TMC1: variants seen among roughly 807,000 people sequenced by gnomAD.
TMC1 encodes the protein transmembrane channel-like protein 1.
Under a neutral mutation model 105.8 loss-of-function variants are expected in TMC1, and 84 were observed. That is an observed-to-expected ratio of 0.79 (90% CI 0.67 to 0.95). TMC1 has a LOEUF of 0.95. TMC1 is among the 40% of genes least tolerant of loss of function. The probability of loss-of-function intolerance (pLI) is 0.00; values close to 1 mark genes in which losing one functional copy is unlikely to be tolerated. For missense variants in TMC1, 817 were observed against 914.1 expected, an observed-to-expected ratio of 0.89 and a Z score of 1.37; for synonymous variants, 315 against 311.5, an observed-to-expected ratio of 1.01 and a Z score of -0.12.
At chr9:72,652,529 G>C (rs1361593277) in intron 5 of TMC1, among the ~76,000 whole-genome samples, 1 of 152,108 alleles carries the variant, frequency 6.6e-6, no homozygotes, top group African/African-American at 2.4e-5. Context: ...AGAAGCTAAG[G>C]GAGTAGACAG....
intron 17 of TMC1, 91 bp downstream of exon 17, chr9:72,792,443 T>C: frequency 6.7e-7 from 1 of 1,502,248 alleles, no homozygotes. Context: ...AAAAAATTGC[T>C]TATTAGTAAA....
intron 2 of TMC1, among the ~76,000 whole-genome samples, chr9:72,608,498 G>A (rs2132117699): frequency 6.6e-6 from 1 of 152,286 alleles, no homozygotes; most frequent in South Asian, 2.1e-4. Context: ...CTTGAGGACA[G>A]GAGTTTGAGA....
At chr9:72,556,311 T>G (rs1367133317) in intron 1 of TMC1, among the ~76,000 whole-genome samples, 1 of 151,264 alleles carries the variant, frequency 6.6e-6, no homozygotes, top group East Asian at 2.0e-4. Context: ...GAGATGGGGT[T>G]TCACCGTGTT....
intron 8 of TMC1, among the ~76,000 whole-genome samples, chr9:72,736,115 C>T (rs544674599): frequency 6.6e-6 from 1 of 152,050 alleles, no homozygotes; most frequent in East Asian, 1.9e-4. Context: ...GTTTAAAAAC[C>T]AGAATCTAAG....
chr9:72,800,805 G>A (rs1190749565), intron 17 of TMC1, among the ~76,000 whole-genome samples: 1 of 152,076 alleles, frequency 6.6e-6, no homozygotes, highest in East Asian at 1.9e-4. Context: ...AGGGAAAAGG[G>A]GTTGTGGTTC....
intron 5 of TMC1, among the ~76,000 whole-genome samples, chr9:72,656,987 G>A (rs1343202189): frequency 6.6e-6 from 1 of 152,174 alleles, no homozygotes; most frequent in African/African-American, 2.4e-5. Flanking sequence ...ATTCTTGTAA[G>A]GTCTGGACAC....
At chr9:72,609,190 TTC>T (rs1824980172) in intron 2 of TMC1, among the ~76,000 whole-genome samples, 1 of 139,834 alleles carries the variant, frequency 7.2e-6, no homozygotes, top group Non-Finnish European at 1.5e-5. Context: ...CCTTCCTTCC[TTC>T]CTTCCTTCCT....
At chr9:72,665,803 T>A (rs1183953458) in intron 5 of TMC1, among the ~76,000 whole-genome samples, 1 of 152,228 alleles carries the variant, frequency 6.6e-6, no homozygotes, top group African/African-American at 2.4e-5. Context: ...GATGTATATT[T>A]AGATGTAGGT....
Position 72,791,930 on chromosome 9 carries a change from G to C in TMC1, c.1269G>C (p.Leu423Phe), listed in dbSNP as rs2118192240. The C allele has an allele frequency of 6.2e-7, 1 of 1,613,716 alleles. No individual in the cohort carries two copies. The highest frequency in any genetic ancestry group is 1.3e-5 in the African/African-American group (1 of 75,042). Residue 423 changes from leucine to phenylalanine, a missense_variant, in exon 16 of 24, where the codon TTG becomes TTC. By Grantham distance (22) the Leu-to-Phe change is conservative (BLOSUM62 0). Transcript: ENST00000297784. ...MSLLGMFCPTLFDLFAELEDY... is the reference protein window; with the variant it reads ...MSLLGMFCPTFFDLFAELEDY... ...TCCTAGGGATGTTCTGTCCAACATT[G>C]TTTGACTTATTTGCTGAATTAGAAG...
intron 12 of TMC1, among the ~76,000 whole-genome samples, chr9:72,756,287 T>A (rs1024776696): frequency 1.3e-5 from 2 of 152,094 alleles, no homozygotes; most frequent in East Asian, 3.8e-4. Flanking sequence ...AAGCAACCAG[T>A]ATACAAGATG....
intron 6 of TMC1, among the ~76,000 whole-genome samples, chr9:72,692,840 C>T (rs72733023): frequency 1.4e-3 from 212 of 152,098 alleles, no homozygotes; most frequent in Non-Finnish European, 2.2e-3. Flanking sequence ...TATTATGGGC[C>T]GGGTGCGATA....
intron 7 of TMC1, among the ~76,000 whole-genome samples, chr9:72,699,956 CAAAAAAAAA>C (rs61062887): frequency 4.3e-5 from 2 of 46,582 alleles, no homozygotes; most frequent in Non-Finnish European, 8.3e-5. Context: ...GACTCTGTCT[CAAAAAAAAA>C]AAAAAAAAAA....
At chr9:72,693,040 A>G (rs1273880983) in intron 6 of TMC1, among the ~76,000 whole-genome samples, 1 of 151,964 alleles carries the variant, frequency 6.6e-6, no homozygotes, top group Non-Finnish European at 1.5e-5. Context: ...GAATCGTTTG[A>G]ACTCTGGAGC....
At chr9:72,734,504 T>G (rs1460556901) in intron 8 of TMC1, among the ~76,000 whole-genome samples, 1 of 151,998 alleles carries the variant, frequency 6.6e-6, no homozygotes, top group Middle Eastern at 3.2e-3. Context: ...TGGGATGATT[T>G]TCAATAATTC....
At chr9:72,614,677 GA>G (rs1217027047) in intron 2 of TMC1, among the ~76,000 whole-genome samples, 1 of 151,990 alleles carries the variant, frequency 6.6e-6, no homozygotes, top group African/African-American at 2.4e-5. Flanking sequence ...TTTATTACAG[GA>G]TAACTTTTTC....
At chr9:72,586,618 G>A (rs1341631748) in intron 2 of TMC1, among the ~76,000 whole-genome samples, 2 of 152,142 alleles carry the variant, frequency 1.3e-5, no homozygotes, top group African/African-American at 2.4e-5. Context: ...CTGTAGTTGG[G>A]TACCGTTGTG....
chr9:72,547,808 G>A (rs763424202), intron 1 of TMC1, among the ~76,000 whole-genome samples: 3 of 152,142 alleles, frequency 2.0e-5, no homozygotes, highest in African/African-American at 7.2e-5. Flanking sequence ...ATAGCTAAGC[G>A]TATTAGTCCA....
At chr9:72,768,058 G>T (rs1182740228) in intron 12 of TMC1, among the ~76,000 whole-genome samples, 1 of 152,144 alleles carries the variant, frequency 6.6e-6, no homozygotes, top group East Asian at 1.9e-4. Context: ...CAATAGCAAA[G>T]ACTTGGAACC....
chr9:72,546,101 G>T (rs1823763682), intron 1 of TMC1, among the ~76,000 whole-genome samples: 1 of 151,132 alleles, frequency 6.6e-6, no homozygotes, highest in African/African-American at 2.4e-5. Context: ...TGGCCAACAT[G>T]GTGACACCCC....
Sources: allele counts gnomAD v4.1 joint callset (sites outside exome capture counted in the v4.1 genomes callset), GRCh38; gene constraint gnomAD v4.1.1; transcripts MANE v1.5; gene names NCBI Gene and HGNC (gene_info 2026-07-23, HGNC 2026-07-21).